RHOJ: variants seen among roughly 807,000 people sequenced by gnomAD.
RHOJ encodes the protein ras homolog family member J.
A neutral mutation model predicts 23.4 loss-of-function variants in RHOJ; 11 were observed. The observed-to-expected ratio is 0.47, with a 90% CI of 0.30 to 0.78. The LOEUF (loss-of-function observed/expected upper bound fraction) is 0.78. RHOJ is among the 30% of genes least tolerant of loss of function. The pLI is 0.08. For synonymous variants in RHOJ, 102 were observed against 102.7 expected, an observed-to-expected ratio of 0.99 and a Z score of 0.04; for missense variants, 254 against 273.4, an observed-to-expected ratio of 0.93 and a Z score of 0.50.
chr14:63,262,893 A>G (rs1254987939), intron 1 of RHOJ, among the ~76,000 whole-genome samples: 1 of 152,246 alleles, frequency 6.6e-6, no homozygotes, highest in Non-Finnish European at 1.5e-5. Context: ...GTAGAAAATG[A>G]CTAGTAATTC....
In RHOJ at chr14:63,237,578, T is replaced by C. The variant is rs1894812001; in HGVS notation, c.179-31532T>C. Among the ~76,000 whole-genome samples the C allele has an allele frequency of 2.0e-5, 3 of 152,208 alleles. No homozygotes were observed. The South Asian group carries it at 6.2e-4, about 32-fold the overall frequency. ...TGGCATGCATCCTGTTAGCCATGACTCAAAAACTCCAATACACACTTGTTA... is the reference window on the plus strand; with the variant it reads ...TGGCATGCATCCTGTTAGCCATGACCCAAAAACTCCAATACACACTTGTTA... On this transcript the variant is annotated intron_variant, in intron 1 of 4. Coordinates refer to ENST00000316754, the MANE Select transcript of RHOJ (RefSeq NM_020663.5).
At position 63,270,484 on chromosome 14, in the gene RHOJ, C is replaced by T. The variant is rs1037510393; in HGVS notation, c.237+1316C>T. 3.3e-5 allele frequency among the ~76,000 whole-genome samples: 5 copies of T among 152,130 alleles called. No individual in the cohort carries two copies. The South Asian group carries it at 6.2e-4, about 19-fold the overall frequency. On this transcript the variant is annotated intron_variant, in intron 2 of 4. Transcript: ENST00000316754. ...CCTCTCACGCCAATAGCAAGACATA[C>T]GACTAAGAAAGGAGGCCCCCCATGT...
At chr14:63,212,145 C>A (rs919505788) in intron 1 of RHOJ, among the ~76,000 whole-genome samples, 3 of 152,122 alleles carry the variant, frequency 2.0e-5, no homozygotes, top group African/African-American at 7.2e-5. Flanking sequence ...GAATGAGAAA[C>A]AGCATGGAGA....
chr14:63,252,827 A>G (rs369775084), intron 1 of RHOJ, among the ~76,000 whole-genome samples: 2 of 152,022 alleles, frequency 1.3e-5, no homozygotes, highest in Non-Finnish European at 2.9e-5. Flanking sequence ...TGCCCAGGCT[A>G]TTCACAAACT....
chr14:63,276,014 A>C (rs747870396), intron 2 of RHOJ, among the ~76,000 whole-genome samples: 6 of 152,168 alleles, frequency 3.9e-5, no homozygotes, highest in Non-Finnish European at 5.9e-5. Flanking sequence ...AGCCTTCTTT[A>C]AAAGTATTTT....
intron 1 of RHOJ, among the ~76,000 whole-genome samples, chr14:63,207,467 A>T (rs150883379): frequency 7.4e-4 from 112 of 152,354 alleles, no homozygotes; most frequent in African/African-American, 2.6e-3. Context: ...AATCAATTGT[A>T]AAAAACTAAA....
chr14:63,240,087 T>A (rs1489303330), intron 1 of RHOJ, among the ~76,000 whole-genome samples: 4 of 152,204 alleles, frequency 2.6e-5, no homozygotes, highest in Non-Finnish European at 5.9e-5. Context: ...AGAAAATGAA[T>A]AATTTAAAAC....
Position 63,204,593 on chromosome 14 carries a change from C to G in RHOJ, c.-277C>G, listed in dbSNP as rs1894064558. 1 of 466,524 alleles carries G rather than the reference C, an allele frequency of 2.1e-6. No individual in the cohort carries two copies. Among genetic ancestry groups the G allele is most frequent in the Admixed American group, 3.7e-5 (1 of 27,102 alleles). 28.9% of individuals were successfully genotyped at this position (466,524 alleles called of 1,614,324 possible). A position where few individuals can be genotyped will look rare whatever the true frequency, so the allele number is the denominator to read the frequency against. On this transcript the variant is annotated 5_prime_UTR_variant, in exon 1 of 5. Coordinates refer to ENST00000316754, the MANE Select transcript of RHOJ (RefSeq NM_020663.5). ...GAAATTTCTAGGCTGTTAGGAAGCC[C>G]CTCGAATTCTGTGAAAATGAGGGTT...
chr14:63,241,343 A>G (rs1335437809), intron 1 of RHOJ, among the ~76,000 whole-genome samples: 1 of 152,234 alleles, frequency 6.6e-6, no homozygotes, highest in Non-Finnish European at 1.5e-5. Context: ...TAAATACTCA[A>G]GAGGCACAGA....
chr14:63,228,814 C>A (rs1323794933), intron 1 of RHOJ, among the ~76,000 whole-genome samples: 2 of 152,174 alleles, frequency 1.3e-5, no homozygotes, highest in African/African-American at 4.8e-5. Context: ...TATGTTTTAA[C>A]TCATGAATGT....
intron 2 of RHOJ, among the ~76,000 whole-genome samples, chr14:63,280,231 C>T (rs769298246): frequency 9.2e-5 from 14 of 152,114 alleles, no homozygotes; most frequent in Non-Finnish European, 1.9e-4. Context: ...CGCTATATTG[C>T]CCAGGCTGAT....
At chr14:63,286,484 A>T (rs1882086536) in intron 4 of RHOJ, among the ~76,000 whole-genome samples, 1 of 152,242 alleles carries the variant, frequency 6.6e-6, no homozygotes, top group Non-Finnish European at 1.5e-5. Flanking sequence ...CAGGGAGACC[A>T]GGACATGCAA....
At chr14:63,255,322 C>T (rs1344056645) in intron 1 of RHOJ, among the ~76,000 whole-genome samples, 4 of 152,154 alleles carry the variant, frequency 2.6e-5, no homozygotes, top group Non-Finnish European at 5.9e-5. Context: ...GACCCAGTTG[C>T]CTCTCTGCAT....
intron 1 of RHOJ, among the ~76,000 whole-genome samples, chr14:63,260,613 A>G (rs1895255018): frequency 6.6e-6 from 1 of 152,210 alleles, no homozygotes; most frequent in African/African-American, 2.4e-5. Context: ...TTCTGTGGTT[A>G]TTTTACATAT....
intron 2 of RHOJ, among the ~76,000 whole-genome samples, chr14:63,280,018 T>C (rs931732520): frequency 6.6e-6 from 1 of 152,048 alleles, no homozygotes; most frequent in Non-Finnish European, 1.5e-5. Context: ...CTTTTGGTCT[T>C]TTGTTTTATT....
chr14:63,271,859 A>C (rs191992044), intron 2 of RHOJ, among the ~76,000 whole-genome samples: 19 of 152,210 alleles, frequency 1.2e-4, no homozygotes, highest in African/African-American at 4.6e-4. Flanking sequence ...CAGCCTCCCA[A>C]AGTGCTGGGA....
intron 2 of RHOJ, among the ~76,000 whole-genome samples, chr14:63,275,744 T>G (rs114416863): frequency 5.1e-4 from 78 of 152,316 alleles, no homozygotes; most frequent in African/African-American, 1.8e-3. Context: ...CATTCTGAAT[T>G]TCAGCATTAG....
At chr14:63,283,640 G>A (rs1442639614) in intron 4 of RHOJ, among the ~76,000 whole-genome samples, 2 of 152,268 alleles carry the variant, frequency 1.3e-5, no homozygotes, top group Non-Finnish European at 2.9e-5. Context: ...GTTAGCATCT[G>A]GCAGGGTTAT....
At chr14:63,280,882 T>C (rs963072555) in intron 2 of RHOJ, 89 bp from the exon 3 acceptor site, 10 of 1,265,980 alleles carry the variant, frequency 7.9e-6, no homozygotes, top group Non-Finnish European at 1.1e-5. Flanking sequence ...CAGTGCGCTG[T>C]AGTGGACTCT....
Sources: gnomAD v4.1 joint callset for allele counts (sites outside exome capture counted in the v4.1 genomes callset) on GRCh38, gnomAD v4.1.1 for gene constraint, MANE v1.5 for transcripts, NCBI Gene and HGNC (gene_info 2026-07-23, HGNC 2026-07-21) for gene names.